FUT8: variants seen among roughly 807,000 people sequenced by gnomAD.
The protein encoded by FUT8 is alpha-(1,6)-fucosyltransferase.
A neutral mutation model predicts 71.3 loss-of-function variants in FUT8; 29 were observed. That is an observed-to-expected ratio of 0.41 (90% CI 0.30 to 0.55). The LOEUF (loss-of-function observed/expected upper bound fraction) is 0.55, where lower values mean the gene tolerates loss of function less well. FUT8 is among the 20% of genes least tolerant of loss of function. The pLI is 0.34. For missense variants in FUT8, 544 were observed against 702.1 expected (o/e 0.77, Z 2.55); for synonymous variants, 254 against 239.3 (o/e 1.06, Z -0.57).
At chr14:65,666,734 C>G (rs1044692170) in intron 6 of FUT8, among the ~76,000 whole-genome samples, 1 of 152,038 alleles carries the variant, frequency 6.6e-6, no homozygotes, top group African/African-American at 2.4e-5. Context: ...AAGAAAACAT[C>G]AGTCCAATAT....
chr14:65,740,010 G>A (rs952346150), intron 10 of FUT8, among the ~76,000 whole-genome samples: 62 of 152,086 alleles, frequency 4.1e-4, no homozygotes, highest in African/African-American at 1.4e-3. Context: ...TGCTATTATT[G>A]GAGCTGCTTT....
chr14:65,386,503 CAA>C, the FUT8 span, among the ~76,000 whole-genome samples: 1,027 of 46,858 alleles, frequency 0.022, 30 homozygotes, highest in East Asian at 0.087. Context: ...GACCTCGTCT[CAA>C]AAAAAAAAAA....
chr14:65,714,884 G>A (rs1389969435), intron 7 of FUT8, among the ~76,000 whole-genome samples: 1 of 151,864 alleles, frequency 6.6e-6, no homozygotes, highest in African/African-American at 2.4e-5. Context: ...TTTTCAGGTT[G>A]TTCACTGTTG....
At position 65,643,761 on chromosome 14, in the gene FUT8, G is replaced by C. The variant is rs1434524268; in HGVS notation, c.597+14155G>C. 6.6e-6 allele frequency among the ~76,000 whole-genome samples: 1 copy of C among 150,600 alleles called. No homozygotes were observed. The highest frequency in any genetic ancestry group is 1.5e-5 in the Non-Finnish European group (1 of 67,890). On this transcript the variant is annotated intron_variant, in intron 6 of 10. Coordinates refer to ENST00000673929, the MANE Select transcript of FUT8 (RefSeq NM_001371533.1). The surrounding 1 kb of genome is among the most constrained non-coding windows in gnomAD (Gnocchi z 4.5). ...ATTCCTTAACTCATTTAATCCTTGA[G>C]AGTAGCAACACCCAGTAGAGGTTTT...
At chr14:65,618,577 T>C (rs1889431771) in intron 5 of FUT8, among the ~76,000 whole-genome samples, 1 of 152,000 alleles carries the variant, frequency 6.6e-6, no homozygotes, top group Non-Finnish European at 1.5e-5. Context: ...CAAAACACAA[T>C]CAAACATTAG....
rs1290148719 is a variant in FUT8, at chr14:65,607,797, C to T, written c.204-8181C>T. 6.6e-6 allele frequency among the ~76,000 whole-genome samples: 1 copy of T among 151,824 alleles called. No individual in the cohort carries two copies. The highest frequency in any genetic ancestry group is 2.4e-5 in the African/African-American group (1 of 41,376). ...GCTAGAACCTGGCCAGGCACGGTAG[C>T]TCATGCCTGTAATCCCAGCACTTTG... On this transcript the variant is annotated intron_variant, in intron 3 of 10. Transcript: ENST00000673929. The surrounding 1 kb of genome is among the most constrained non-coding windows in gnomAD (Gnocchi z 4.1).
the FUT8 span, among the ~76,000 whole-genome samples, chr14:65,376,868 G>A: frequency 1.4e-5 from 2 of 144,760 alleles, no homozygotes; most frequent in African/African-American, 4.9e-5. Context: ...AGGTCTTGGA[G>A]AGCAAGGTGA....
At chr14:65,580,499 G>A (rs907285433) in intron 3 of FUT8, among the ~76,000 whole-genome samples, 2 of 151,672 alleles carry the variant, frequency 1.3e-5, no homozygotes, top group African/African-American at 2.4e-5. Flanking sequence ...TGTTATGTGT[G>A]CGTGTATATA....
intron 3 of FUT8, among the ~76,000 whole-genome samples, chr14:65,571,735 A>G (rs1886488176): frequency 6.6e-6 from 1 of 152,132 alleles, no homozygotes; most frequent in Non-Finnish European, 1.5e-5. Context: ...CACACCCAAG[A>G]CTTGAATATA....
intron 1 of FUT8, among the ~76,000 whole-genome samples, chr14:65,447,639 C>A (rs551270858): frequency 6.6e-6 from 1 of 151,676 alleles, no homozygotes; most frequent in Non-Finnish European, 1.5e-5. Context: ...ATGTTTTTGG[C>A]GTGTTTAGTA....
chr14:65,701,373 T>A (rs189861290), intron 7 of FUT8, among the ~76,000 whole-genome samples: 61 of 152,346 alleles, frequency 4.0e-4, no homozygotes, highest in African/African-American at 1.4e-3. Flanking sequence ...AAGAGGAGTT[T>A]ACAAGTTTAA....
At chr14:65,700,467 T>TG (rs1894233280) in intron 7 of FUT8, among the ~76,000 whole-genome samples, 2 of 131,972 alleles carry the variant, frequency 1.5e-5, no homozygotes. Context: ...CTTGGCTCAC[T>TG]GCAAGCTCCG....
At chr14:65,616,686 C>T (rs991062774) in intron 5 of FUT8, among the ~76,000 whole-genome samples, 1 of 152,148 alleles carries the variant, frequency 6.6e-6, no homozygotes, top group Non-Finnish European at 1.5e-5. Context: ...TATATATAAT[C>T]AGTATTTGAA....
intron 2 of FUT8, among the ~76,000 whole-genome samples, chr14:65,533,827 T>C (rs1346157531): frequency 6.6e-6 from 1 of 152,196 alleles, no homozygotes; most frequent in Non-Finnish European, 1.5e-5. Context: ...TGAGAGTTTT[T>C]AACATGAAGG....
chr14:65,650,707 C>CAAAAAAAAAAAAAAAAAAAAA (rs57971519), intron 6 of FUT8, among the ~76,000 whole-genome samples: 1 of 118,974 alleles, frequency 8.4e-6, no homozygotes, highest in African/African-American at 3.4e-5. Context: ...CTGCTAATTA[C>CAAAAAAAAAAAAAAAAAAAAA]AAAAAAAAAA....
chr14:65,626,959 A>G (rs1046544085), intron 5 of FUT8, among the ~76,000 whole-genome samples: 1 of 152,210 alleles, frequency 6.6e-6, no homozygotes, highest in Non-Finnish European at 1.5e-5. Flanking sequence ...AAACCTGTCT[A>G]CCATCAAACT....
intron 7 of FUT8, among the ~76,000 whole-genome samples, chr14:65,718,489 T>G (rs1325749940): frequency 6.6e-6 from 1 of 152,238 alleles, no homozygotes; most frequent in African/African-American, 2.4e-5. Flanking sequence ...ACTTAAGATA[T>G]CAATAGGTTA....
At chr14:65,553,385 T>C (rs904700576) in intron 2 of FUT8, among the ~76,000 whole-genome samples, 1 of 152,166 alleles carries the variant, frequency 6.6e-6, no homozygotes, top group Admixed American at 6.5e-5. Context: ...CATCTACATA[T>C]ATTATAAACC....
chr14:65,647,424 G>A (rs1891171854), intron 6 of FUT8, among the ~76,000 whole-genome samples: 1 of 152,172 alleles, frequency 6.6e-6, no homozygotes, highest in Non-Finnish European at 1.5e-5. Context: ...GAGACTTAGA[G>A]AGGTTTGTAC....
Sources: gnomAD v4.1 joint callset for allele counts (sites outside exome capture counted in the v4.1 genomes callset) on GRCh38, gnomAD v4.1.1 for gene constraint, Gnocchi (gnomAD v3.1) non-coding constraint, MANE v1.5 for transcripts, NCBI Gene and HGNC (gene_info 2026-07-23, HGNC 2026-07-21) for gene names.